Variants in TMEM63B observed in about 807,000 individuals in gnomAD.
TMEM63B encodes mechanosensitive cation channel TMEM63B.
TMEM63B carries 23 observed loss-of-function variants against 102.6 expected under a neutral mutation model. That is an observed-to-expected ratio of 0.22 (90% CI 0.16 to 0.32). TMEM63B has a LOEUF of 0.32. TMEM63B is among the 10% of genes least tolerant of loss of function. The pLI is 1.00. For missense variants in TMEM63B, 628 were observed against 1,095.9 expected (o/e 0.57, Z 6.03); for synonymous variants, 444 against 437.0 (o/e 1.02, Z -0.20).
At position 44,127,599 on chromosome 6, in the gene TMEM63B, A is replaced by G. The variant is rs1395004556; in HGVS notation, c.-104A>G. On this transcript the variant is annotated 5_prime_UTR_variant, in exon 1 of 24. Transcript: ENST00000323267. ...CAGGAGCCCGGAGCTCGAGCCGCCC[A>G]GCGACTCCCCCTCCCCCTCCCCCAG... 2 of 124,488 alleles carry G rather than the reference A, an allele frequency of 1.6e-5. No homozygotes were observed. Among genetic ancestry groups the G allele is most frequent in the Non-Finnish European group, 3.3e-5 (2 of 60,522 alleles). The allele number at this position is 124,488 out of a possible 1,614,324, so 7.7% of individuals were successfully genotyped here.
At position 44,154,820 on chromosome 6, in the gene TMEM63B, C is replaced by T. The variant is rs1582840123; in HGVS notation, c.2436C>T (p.Ala812=). 6.2e-7 allele frequency: 1 copy of T among 1,610,456 alleles called. No homozygotes were observed. The highest frequency in any genetic ancestry group is 8.5e-7 in the Non-Finnish European group (1 of 1,179,064). ...AGGAGTTGCTGATGCCACCCGACGC[C>T]CTCACGGACACAGACTTCCAGTCTT... ...QDEELLMPPD[A]LTDTDFQSCE... The change falls in exon 24 of 24, where the codon GCC becomes GCT. Residue 812 remains alanine, a synonymous_variant. Coordinates refer to ENST00000323267, the MANE Select transcript of TMEM63B (RefSeq NM_018426.3).
intron 2 of TMEM63B, 113 bp downstream of exon 2, chr6:44,134,856 G>A (rs1762604706): frequency 2.0e-6 from 3 of 1,511,424 alleles, no homozygotes; most frequent in Admixed American, 1.8e-5. Flanking sequence ...GCTTAAGCAG[G>A]AGGAGTCCCC....
At chr6:44,135,810 G>A (rs1054505161) in intron 4 of TMEM63B, among the ~76,000 whole-genome samples, 1 of 152,212 alleles carries the variant, frequency 6.6e-6, no homozygotes, top group African/African-American at 2.4e-5. Context: ...CCCCCAGTCT[G>A]GGCTTTTTTG....
intron 20 of TMEM63B, among the ~76,000 whole-genome samples, chr6:44,153,410 G>A (rs1462548742): frequency 2.0e-5 from 3 of 152,192 alleles, no homozygotes; most frequent in East Asian, 1.9e-4. Context: ...AAAATGATAC[G>A]GGTTTTAAGA....
At chr6:44,128,075 C>T (rs1777549391) in intron 1 of TMEM63B, among the ~76,000 whole-genome samples, 1 of 152,136 alleles carries the variant, frequency 6.6e-6, no homozygotes, top group Non-Finnish European at 1.5e-5. Flanking sequence ...AACTAGCCGC[C>T]CCCGCCCCCG....
chr6:44,153,867 CG>C (rs751008494), intron 21 of TMEM63B, 24 bp downstream of exon 21: 3 of 1,604,714 alleles, frequency 1.9e-6, no homozygotes, highest in Non-Finnish European at 1.7e-6. Flanking sequence ...ACCCAGGGAA[CG>C]GGGGGTGGCG....
chr6:44,145,183 G>A (rs1430420942), intron 10 of TMEM63B, among the ~76,000 whole-genome samples: 2 of 151,796 alleles, frequency 1.3e-5, no homozygotes, highest in Non-Finnish European at 2.9e-5. Flanking sequence ...GCTGAGACAG[G>A]GGAATCACTT....
At chr6:44,141,540 A>C (rs1764262824) in intron 10 of TMEM63B, among the ~76,000 whole-genome samples, 1 of 152,040 alleles carries the variant, frequency 6.6e-6, no homozygotes, top group African/African-American at 2.4e-5. Flanking sequence ...TCAGCTCTAG[A>C]ATTATGTTTT....
At position 44,155,470 on chromosome 6, in the gene TMEM63B, T is replaced by C. The variant is rs1304216056; in HGVS notation, c.*587T>C. The C allele has an allele frequency of 6.6e-6, 1 of 151,698 alleles. No homozygotes were observed. The allele number at this position is 151,698 out of a possible 1,614,324, so 9.4% of individuals were successfully genotyped here. The stretch of plus-strand genomic sequence containing the variant: ...TGCACTGTTTTTTTTTTGGTTTTTT[T>C]GTTCTTTTTTGTTTTTTTCCTTTAA... On this transcript the variant is annotated 3_prime_UTR_variant, in exon 24 of 24. Transcript: ENST00000323267.
chr6:44,146,271 A>G (rs1200447099), intron 10 of TMEM63B, among the ~76,000 whole-genome samples: 1 of 152,004 alleles, frequency 6.6e-6, no homozygotes, highest in Non-Finnish European at 1.5e-5. Context: ...CCCTACCTGC[A>G]TGCAGTATGT....
chr6:44,128,020 C>T (rs1777538036), intron 1 of TMEM63B, among the ~76,000 whole-genome samples: 1 of 151,660 alleles, frequency 6.6e-6, no homozygotes, highest in South Asian at 2.1e-4. Context: ...CTGCGCGACC[C>T]TCGGGGGTGC....
chr6:44,131,263 C>G (rs959792622), intron 1 of TMEM63B, among the ~76,000 whole-genome samples: 1 of 152,114 alleles, frequency 6.6e-6, no homozygotes, highest in African/African-American at 2.4e-5. Context: ...TCTTGCCTTT[C>G]TCTCTGAAGT....
chr6:44,143,956 CAG>C (rs1764829667), intron 10 of TMEM63B, among the ~76,000 whole-genome samples: 1 of 152,172 alleles, frequency 6.6e-6, no homozygotes, highest in Admixed American at 6.5e-5. Context: ...GCCTGGGAGA[CAG>C]AGTATAATCA....
At chr6:44,141,945 G>A (rs1488223584) in intron 10 of TMEM63B, among the ~76,000 whole-genome samples, 1 of 151,298 alleles carries the variant, frequency 6.6e-6, no homozygotes, top group Non-Finnish European at 1.5e-5. Context: ...AACATAGCAA[G>A]ACCCCATCTC....
At position 44,154,588 on chromosome 6, in the gene TMEM63B, G is replaced by GC. The variant is rs1561829354; in HGVS notation, c.2308-98dup. 7 of 1,440,090 alleles carry GC rather than the reference G, an allele frequency of 4.9e-6. 1 individual carries two copies. Among genetic ancestry groups the GC allele is most frequent in the South Asian group, 4.0e-5 (3 of 75,172 alleles). The allele number at this position is 1,440,090 out of a possible 1,614,324, so 89.2% of individuals were successfully genotyped here. On this transcript the variant is annotated intron_variant, in intron 23 of 23. Coordinates refer to ENST00000323267, the MANE Select transcript of TMEM63B (RefSeq NM_018426.3). Reference sequence around the variant, plus strand: ...CTGGTCTCCCTGGAGGGCTGCCCCCGCCCCCCAGGGCCCTGCCCACTCTGC... The same window carrying GC: ...CTGGTCTCCCTGGAGGGCTGCCCCCGCCCCCCCAGGGCCCTGCCCACTCTGC...
At chr6:44,138,051 C>T (rs1281712100) in intron 5 of TMEM63B, among the ~76,000 whole-genome samples, 1 of 152,140 alleles carries the variant, frequency 6.6e-6, no homozygotes, top group Non-Finnish European at 1.5e-5. Flanking sequence ...TTTTGTCCTT[C>T]TGGGGTAGAC....
rs2128281547 is a variant in TMEM63B, at chr6:44,154,946, A to T, written c.*63A>T. On this transcript the variant is annotated 3_prime_UTR_variant, in exon 24 of 24. Transcript: ENST00000323267. ...CCCCACCCCCACTCCCACGGACACTAAAACGCTAATAATTTATTAGATCTA... is the reference window on the plus strand; with the variant it reads ...CCCCACCCCCACTCCCACGGACACTTAAACGCTAATAATTTATTAGATCTA... The T allele has an allele frequency of 2.9e-6, 4 of 1,397,372 alleles. No homozygotes were observed. In the South Asian group the frequency reaches 6.2e-5, roughly 22 times the overall value. The allele number at this position is 1,397,372 out of a possible 1,614,324, so 86.6% of individuals were successfully genotyped here.
At chr6:44,136,320 C>T (rs1562118050) in intron 4 of TMEM63B, 29 bp from the exon 5 acceptor site, 2 of 1,603,926 alleles carry the variant, frequency 1.2e-6, no homozygotes, top group Non-Finnish European at 8.5e-7. Context: ...TCACCAGGCT[C>T]TCTGATCTCT....
intron 1 of TMEM63B, among the ~76,000 whole-genome samples, chr6:44,131,915 T>C (rs1582758220): frequency 6.6e-6 from 1 of 152,216 alleles, no homozygotes; most frequent in South Asian, 2.1e-4. Flanking sequence ...AGGCACCTCG[T>C]GGAGTGGAAG....
Sources: gnomAD v4.1 joint callset for allele counts (sites outside exome capture counted in the v4.1 genomes callset) on GRCh38, gnomAD v4.1.1 for gene constraint, MANE v1.5 for transcripts, NCBI Gene and HGNC (gene_info 2026-07-23, HGNC 2026-07-21) for gene names.